Variants in PLXNA4 observed in about 807,000 individuals in gnomAD.
PLXNA4 encodes the protein plexin A4, also known as plexin-A4.
PLXNA4 carries 44 observed loss-of-function variants against 191.8 expected under a neutral mutation model. That is an observed-to-expected ratio of 0.23 (90% CI 0.18 to 0.29). The LOEUF is 0.29. Among genes scored for constraint, PLXNA4 ranks in the 10% least tolerant of loss-of-function variants. PLXNA4 has a pLI of 1.00. For synonymous variants in PLXNA4, 1,082 were observed against 1,009.5 expected (o/e 1.07, Z -1.36); for missense variants, 1,800 against 2,488.8 (o/e 0.72, Z 5.89).
At chr7:132,387,140 C>T (rs186144252) in intron 3 of PLXNA4, among the ~76,000 whole-genome samples, 10 of 152,322 alleles carry the variant, frequency 6.6e-5, no homozygotes, top group East Asian at 3.9e-4. Flanking sequence ...TGCTGAATTG[C>T]GCTGGTCTAG....
intron 1 of PLXNA4, among the ~76,000 whole-genome samples, chr7:132,513,896 G>C (rs928059754): frequency 2.0e-5 from 3 of 151,934 alleles, no homozygotes; most frequent in Admixed American, 1.3e-4. Flanking sequence ...GGCTAGTCTT[G>C]AAGTCCTGAC....
chr7:132,140,273 T>C (rs1052077617), intron 30 of PLXNA4, among the ~76,000 whole-genome samples: 3 of 152,304 alleles, frequency 2.0e-5, no homozygotes, highest in South Asian at 2.1e-4. Context: ...TTTTTATTTA[T>C]TTTTTGGGGG....
At chr7:132,351,297 T>C (rs968971605) in intron 3 of PLXNA4, among the ~76,000 whole-genome samples, 5 of 152,268 alleles carry the variant, frequency 3.3e-5, no homozygotes, top group East Asian at 1.9e-4. Flanking sequence ...AGGTGAATTA[T>C]ACCAAATGTG....
At chr7:132,471,425 G>C (rs940154760) in intron 3 of PLXNA4, among the ~76,000 whole-genome samples, 1 of 152,158 alleles carries the variant, frequency 6.6e-6, no homozygotes, top group Non-Finnish European at 1.5e-5. Context: ...TACACTGCCC[G>C]TTCCTGGTGA....
chr7:132,321,824 C>T (rs1802179637), intron 3 of PLXNA4, among the ~76,000 whole-genome samples: 2 of 152,054 alleles, frequency 1.3e-5, no homozygotes, highest in African/African-American at 2.4e-5. Context: ...GGTGGCCACC[C>T]TCCCAGGAGA....
chr7:132,604,842 A>G (rs1292536907), intron 2 of PLXNA4, among the ~76,000 whole-genome samples: 2 of 152,090 alleles, frequency 1.3e-5, no homozygotes, highest in East Asian at 3.9e-4. Context: ...TGTCCCCTAG[A>G]TATGACTCCG....
intron 3 of PLXNA4, among the ~76,000 whole-genome samples, chr7:132,433,283 T>C (rs1048420420): frequency 5.3e-5 from 8 of 152,230 alleles, no homozygotes; most frequent in Non-Finnish European, 1.0e-4. Context: ...ATGTCACCTT[T>C]TGTCACAGTA....
intron 2 of PLXNA4, among the ~76,000 whole-genome samples, chr7:132,491,622 C>A (rs2117544879): frequency 7.2e-6 from 1 of 138,016 alleles, no homozygotes; most frequent in African/African-American, 2.5e-5. Context: ...CAGCTCTCTC[C>A]CCTTCCCTTA....
intron 12 of PLXNA4, among the ~76,000 whole-genome samples, chr7:132,202,028 G>A (rs1562917565): frequency 6.6e-6 from 1 of 152,142 alleles, no homozygotes; most frequent in South Asian, 2.1e-4. Flanking sequence ...TAGCCCCAAG[G>A]TACTCAGCAA....
chr7:132,464,355 G>C (rs1397097914), intron 3 of PLXNA4, among the ~76,000 whole-genome samples: 2 of 152,142 alleles, frequency 1.3e-5, no homozygotes, highest in Non-Finnish European at 2.9e-5. Context: ...TATACCACCA[G>C]AAGGCCCCTG....
At chr7:132,194,448 T>C (rs1726288523) in intron 13 of PLXNA4, among the ~76,000 whole-genome samples, 1 of 152,222 alleles carries the variant, frequency 6.6e-6, no homozygotes, top group African/African-American at 2.4e-5. Context: ...CCCTAATTCA[T>C]TATTATCTAC....
intron 1 of PLXNA4, among the ~76,000 whole-genome samples, chr7:132,549,261 ACT>A (rs1156232824): frequency 6.6e-6 from 1 of 151,840 alleles, no homozygotes; most frequent in Non-Finnish European, 1.5e-5. Flanking sequence ...GTCCAAGAAA[ACT>A]CTGTTGGGGT....
chr7:132,356,699 T>C (rs1803721627), intron 3 of PLXNA4, among the ~76,000 whole-genome samples: 1 of 152,192 alleles, frequency 6.6e-6, no homozygotes, highest in Non-Finnish European at 1.5e-5. Context: ...GCCCAGGCAA[T>C]ATTGGTTCCC....
At chr7:132,323,679 C>T (rs903279528) in intron 3 of PLXNA4, among the ~76,000 whole-genome samples, 1 of 152,208 alleles carries the variant, frequency 6.6e-6, no homozygotes, top group African/African-American at 2.4e-5. Flanking sequence ...ATAATGTCGA[C>T]TGTCCTTAGA....
intron 4 of PLXNA4, among the ~76,000 whole-genome samples, chr7:132,297,371 G>C (rs983166353): frequency 1.3e-5 from 2 of 152,122 alleles, no homozygotes; most frequent in Admixed American, 1.3e-4. Flanking sequence ...TTAAATACAT[G>C]GATGTCCAAG....
At chr7:132,497,449 G>A (rs1481546612) in intron 2 of PLXNA4, among the ~76,000 whole-genome samples, 1 of 152,230 alleles carries the variant, frequency 6.6e-6, no homozygotes, top group Non-Finnish European at 1.5e-5. Context: ...GTAGAGGTAA[G>A]TGGAGAGTGT....
chr7:132,162,156 G>A (rs761727794), intron 24 of PLXNA4, among the ~76,000 whole-genome samples: 4 of 152,206 alleles, frequency 2.6e-5, no homozygotes, highest in Non-Finnish European at 4.4e-5. Flanking sequence ...TCGTCTGCAC[G>A]CCCTGTGTGC....
chr7:132,534,457 C>T (rs896778498), intron 1 of PLXNA4, among the ~76,000 whole-genome samples: 1 of 152,176 alleles, frequency 6.6e-6, no homozygotes, highest in African/African-American at 2.4e-5. Context: ...CTGGCGTCCA[C>T]ATATCTAAGC....
chr7:132,347,813 T>A (rs187780984), intron 3 of PLXNA4, among the ~76,000 whole-genome samples: 1 of 152,320 alleles, frequency 6.6e-6, no homozygotes, highest in Non-Finnish European at 1.5e-5. Flanking sequence ...TTCCACTGGC[T>A]TCACTTTCTC....
Sources: gnomAD v4.1 joint callset for allele counts (sites outside exome capture counted in the v4.1 genomes callset) on GRCh38, gnomAD v4.1.1 for gene constraint, MANE v1.5 for transcripts, NCBI Gene and HGNC (gene_info 2026-07-23, HGNC 2026-07-21) for gene names.